Variants in NHSL1 observed in about 807,000 individuals in gnomAD.
The protein encoded by NHSL1 is NHS-like protein 1.
A neutral mutation model predicts 95.0 loss-of-function variants in NHSL1; 48 were observed. The observed-to-expected ratio is 0.51, with a 90% CI of 0.40 to 0.64. The LOEUF (loss-of-function observed/expected upper bound fraction) is 0.64, where lower values mean the gene tolerates loss of function less well. Among genes scored for constraint, NHSL1 ranks in the 30% least tolerant of loss-of-function variants. The pLI, the probability that NHSL1 is intolerant of heterozygous loss-of-function variation, is 0.00. For missense variants in NHSL1, 1,971 were observed against 2,077.7 expected, an observed-to-expected ratio of 0.95 and a Z score of 1.00; for synonymous variants, 783 against 833.9, an observed-to-expected ratio of 0.94 and a Z score of 1.05.
intron 1 of NHSL1, among the ~76,000 whole-genome samples, chr6:138,640,986 T>C (rs187326152): frequency 6.6e-6 from 1 of 152,306 alleles, no homozygotes; most frequent in Admixed American, 6.5e-5. Context: ...GTAGACTTGG[T>C]CAAAAGCAGA....
At chr6:138,459,295 T>G (rs1777841334) in intron 3 of NHSL1, among the ~76,000 whole-genome samples, 1 of 152,210 alleles carries the variant, frequency 6.6e-6, no homozygotes, top group African/African-American at 2.4e-5. Flanking sequence ...CCATATAGTA[T>G]TTTTTAAAGT....
intron 1 of NHSL1, among the ~76,000 whole-genome samples, chr6:138,642,617 T>G (rs1055320350): frequency 6.6e-6 from 1 of 152,238 alleles, no homozygotes; most frequent in African/African-American, 2.4e-5. Flanking sequence ...GAGTTCAGAC[T>G]TGGCTTTTTT....
intron 1 of NHSL1, among the ~76,000 whole-genome samples, chr6:138,621,463 G>GT (rs1239054104): frequency 2.1e-5 from 3 of 142,994 alleles, no homozygotes. Context: ...TTTTTAGAAA[G>GT]TATCATTGAT....
chr6:138,628,765 G>A (rs771181529), intron 1 of NHSL1, among the ~76,000 whole-genome samples: 2 of 152,122 alleles, frequency 1.3e-5, no homozygotes, highest in Non-Finnish European at 2.9e-5. Context: ...AAATTAAAAA[G>A]TTCCTCCATT....
intron 7 of NHSL1, among the ~76,000 whole-genome samples, chr6:138,426,185 G>A (rs1775250609): frequency 6.6e-6 from 1 of 152,208 alleles, no homozygotes; most frequent in African/African-American, 2.4e-5. Context: ...AAAGACGTGG[G>A]TATATCTCTT....
At chr6:138,573,618 A>G (rs144650405), upstream of NHSL1, among the ~76,000 whole-genome samples, 38 of 152,362 alleles carry the variant, frequency 2.5e-4, no homozygotes, top group East Asian at 6.7e-3. Flanking sequence ...TAGGCAGTTC[A>G]TATTACACCA....
At chr6:138,644,282 CACG>C (rs1188026637) in intron 1 of NHSL1, among the ~76,000 whole-genome samples, 5 of 152,130 alleles carry the variant, frequency 3.3e-5, no homozygotes, top group Non-Finnish European at 5.9e-5. Context: ...GAAGGTCGGT[CACG>C]AGGTCAGGAG....
At chr6:138,672,009 T>C (rs1785378740) in intron 1 of NHSL1, among the ~76,000 whole-genome samples, 1 of 152,094 alleles carries the variant, frequency 6.6e-6, no homozygotes, top group South Asian at 2.1e-4. Flanking sequence ...TAGATACCAA[T>C]ACTTAAAACT....
upstream of NHSL1, among the ~76,000 whole-genome samples, chr6:138,576,510 C>A (rs1486819632): frequency 2.6e-5 from 4 of 152,188 alleles, no homozygotes; most frequent in Non-Finnish European, 5.9e-5. Flanking sequence ...CTGTCAAATT[C>A]GAACTTCTGC....
intron 3 of NHSL1, among the ~76,000 whole-genome samples, chr6:138,456,981 T>G (rs978573529): frequency 5.3e-5 from 8 of 151,988 alleles, no homozygotes; most frequent in African/African-American, 1.7e-4. Flanking sequence ...CCTCCCAGAT[T>G]CAAGCAATTC....
intron 1 of NHSL1, among the ~76,000 whole-genome samples, chr6:138,554,882 T>A (rs1384163196): frequency 6.6e-6 from 1 of 152,228 alleles, no homozygotes; most frequent in Admixed American, 6.5e-5. Flanking sequence ...CTGCCAAGGC[T>A]TCTGAGTCGT....
chr6:138,604,947 A>T (rs942655030), intron 1 of NHSL1, among the ~76,000 whole-genome samples: 2 of 152,152 alleles, frequency 1.3e-5, no homozygotes, highest in Admixed American at 1.3e-4. Flanking sequence ...AGTCATGACA[A>T]ATTGTTTCAA....
At chr6:138,555,282 G>A (rs921069577) in intron 1 of NHSL1, among the ~76,000 whole-genome samples, 3 of 152,120 alleles carry the variant, frequency 2.0e-5, no homozygotes, top group Admixed American at 2.0e-4. Flanking sequence ...TTTTGTTCAT[G>A]GTAATGGCTG....
intron 1 of NHSL1, among the ~76,000 whole-genome samples, chr6:138,635,111 C>T (rs913056034): frequency 2.0e-5 from 3 of 147,610 alleles, no homozygotes; most frequent in African/African-American, 7.5e-5. Context: ...AACAACCTAA[C>T]AATACATCTT....
chr6:138,592,670 G>C (rs1017217046), intron 1 of NHSL1, among the ~76,000 whole-genome samples: 1 of 152,064 alleles, frequency 6.6e-6, no homozygotes, highest in Non-Finnish European at 1.5e-5. Flanking sequence ...CAGAACTAAA[G>C]AGTGAAAACT....
At chr6:138,427,489 C>T (rs1007535797) in intron 7 of NHSL1, among the ~76,000 whole-genome samples, 1 of 151,108 alleles carries the variant, frequency 6.6e-6, no homozygotes, top group Non-Finnish European at 1.5e-5. Context: ...TTTATGAAAG[C>T]ACTGTCATCT....
chr6:138,600,705 A>G (rs1784360422), intron 1 of NHSL1, among the ~76,000 whole-genome samples: 1 of 152,186 alleles, frequency 6.6e-6, no homozygotes, highest in Admixed American at 6.5e-5. Flanking sequence ...TGTCGTTGCT[A>G]AACCAACACT....
chr6:138,650,918 A>G (rs1269717151), intron 1 of NHSL1: 4 of 539,314 alleles, frequency 7.4e-6, no homozygotes, highest in Admixed American at 3.9e-5. Context: ...CACTTGCACA[A>G]TGTATTTGGC....
intron 1 of NHSL1, among the ~76,000 whole-genome samples, chr6:138,676,662 G>A (rs1444510190): frequency 6.6e-6 from 1 of 152,028 alleles, no homozygotes; most frequent in Non-Finnish European, 1.5e-5. Context: ...TTGTTTGTTT[G>A]TTTGTTTTTT....
Sources: gnomAD v4.1 joint callset for allele counts (sites outside exome capture counted in the v4.1 genomes callset) on GRCh38, gnomAD v4.1.1 for gene constraint, MANE v1.5 for transcripts, NCBI Gene and HGNC (gene_info 2026-07-23, HGNC 2026-07-21) for gene names.